Variants in RIMKLB observed in about 807,000 individuals in gnomAD.
RIMKLB encodes ribosomal modification protein rimK like family member B, also known as beta-citrylglutamate synthase B.
A neutral mutation model predicts 32.0 loss-of-function variants in RIMKLB; 7 were observed. The ratio of observed to expected loss-of-function variants is 0.22; its 90% CI spans 0.12 to 0.41. RIMKLB has a LOEUF of 0.41. Among genes scored for constraint, RIMKLB ranks in the 10% least tolerant of loss-of-function variants. The pLI, the probability that RIMKLB is intolerant of heterozygous loss-of-function variation, is 1.00. For missense variants in RIMKLB, 289 were observed against 498.7 expected, an observed-to-expected ratio of 0.58 and a Z score of 4.00; for synonymous variants, 172 against 185.1, an observed-to-expected ratio of 0.93 and a Z score of 0.57.
chr12:8,703,102 A>G (rs1174960718), intron 1 of RIMKLB, among the ~76,000 whole-genome samples: 1 of 152,156 alleles, frequency 6.6e-6, no homozygotes, highest in Non-Finnish European at 1.5e-5. Flanking sequence ...CCTGGCCAAC[A>G]TGGCGAAAAC....
intron 2 of RIMKLB, among the ~76,000 whole-genome samples, chr12:8,736,384 G>T (rs78090002): frequency 6.6e-6 from 1 of 151,956 alleles, no homozygotes; most frequent in Non-Finnish European, 1.5e-5. Flanking sequence ...CAAATAGCTC[G>T]TATATACTGT....
chr12:8,752,787 C>A (rs1455603354), intron 4 of RIMKLB, among the ~76,000 whole-genome samples: 1 of 151,468 alleles, frequency 6.6e-6, no homozygotes, highest in African/African-American at 2.4e-5. Flanking sequence ...GTTGCCCAGG[C>A]TGGAGTGCAG....
In RIMKLB at chr12:8,698,223, C is replaced by A. The variant is rs752087229; in HGVS notation, c.-131C>A. On this transcript the variant is annotated 5_prime_UTR_variant, in exon 1 of 6. Transcript: ENST00000535829. ...TCTCCTTCCCCCACTTCCAGCCGCC[C>A]GGCGGCCCGCGCTTCCTCGAAGGCC... 1.3e-5 allele frequency: 5 copies of A among 371,220 alleles called. No homozygotes were observed. Among genetic ancestry groups the A allele is most frequent in the South Asian group, 5.4e-5 (3 of 56,050 alleles). The allele number at this position is 371,220 out of a possible 1,614,324, so 23.0% of individuals were successfully genotyped here.
chr12:8,762,435 G>A lies in RIMKLB; in HGVS notation c.697+8342G>A, dbSNP rs143993850. Among the ~76,000 whole-genome samples the A allele has an allele frequency of 1.8e-3, 280 of 151,908 alleles. 3 individuals carry two copies. The East Asian group carries it at 0.026, about 14-fold the overall frequency. ...TTTCTAATGGAGGGTCCTGCCTTGC[G>A]GCTCTTTTGGCTTCAGTGTCGTCTT... On this transcript the variant is annotated intron_variant, in intron 5 of 5. Transcript: ENST00000535829.
the RIMKLB span, among the ~76,000 whole-genome samples, chr12:8,670,755 C>T: frequency 6.6e-6 from 1 of 152,240 alleles, no homozygotes; most frequent in Admixed American, 6.5e-5. Context: ...GGGCTCCAAC[C>T]ACACATTTCC....
At chr12:8,769,995 G>A (rs1950276627) in intron 5 of RIMKLB, among the ~76,000 whole-genome samples, 1 of 125,736 alleles carries the variant, frequency 8.0e-6, no homozygotes, top group Non-Finnish European at 1.7e-5. Flanking sequence ...TTGGGAGATG[G>A]AATTTTGCTC....
At chr12:8,694,376 C>T (rs762763749), upstream of RIMKLB, among the ~76,000 whole-genome samples, 1 of 148,320 alleles carries the variant, frequency 6.7e-6, no homozygotes, top group South Asian at 2.1e-4. Context: ...TCACACTCAA[C>T]ATCCTGTTGA....
upstream of RIMKLB, among the ~76,000 whole-genome samples, chr12:8,681,105 T>C (rs1464937364): frequency 6.6e-6 from 1 of 151,634 alleles, no homozygotes; most frequent in Non-Finnish European, 1.5e-5. Flanking sequence ...GGACTATAGG[T>C]CCATACCACC....
intron 2 of RIMKLB, among the ~76,000 whole-genome samples, chr12:8,743,388 C>G (rs1947764923): frequency 6.8e-6 from 1 of 148,052 alleles, no homozygotes. Context: ...TTCCGGAAGT[C>G]CTAAAAAATA....
chr12:8,708,146 G>A (rs994068015), intron 1 of RIMKLB, among the ~76,000 whole-genome samples: 2 of 152,078 alleles, frequency 1.3e-5, no homozygotes, highest in South Asian at 2.1e-4. Flanking sequence ...AGATTCTATT[G>A]TGTGTTAGAG....
Position 8,701,620 on chromosome 12 carries a change from T to TA in RIMKLB, c.-57+3324dup, listed in dbSNP as rs1565551152. Among the ~76,000 whole-genome samples, 3 of 151,946 alleles carry TA rather than the reference T, an allele frequency of 2.0e-5. No homozygotes were observed. The East Asian group carries it at 5.8e-4, about 29-fold the overall frequency. On this transcript the variant is annotated intron_variant, in intron 1 of 5. Transcript: ENST00000535829. ...ATTTCTGGATCAGTTATATGACCGT[T>TA]ATGGGAAGTAAGCACAGGCCTGATC...
At chr12:8,719,319 C>G (rs1278117607) in intron 2 of RIMKLB, among the ~76,000 whole-genome samples, 1 of 152,154 alleles carries the variant, frequency 6.6e-6, no homozygotes, top group Non-Finnish European at 1.5e-5. Flanking sequence ...AGACACCTTG[C>G]TTCTAATTCT....
chr12:8,751,526 TAA>T (rs1948620580), intron 3 of RIMKLB, among the ~76,000 whole-genome samples: 2 of 152,168 alleles, frequency 1.3e-5, no homozygotes, highest in African/African-American at 4.8e-5. Flanking sequence ...TTGTTGATAA[TAA>T]AAAGAGAATG....
At chr12:8,677,225 G>A (rs1267149093), upstream of RIMKLB, among the ~76,000 whole-genome samples, 1 of 152,128 alleles carries the variant, frequency 6.6e-6, no homozygotes, top group East Asian at 1.9e-4. Context: ...ACATGTCTGG[G>A]ACAGAATTGT....
chr12:8,724,195 C>G (rs866336468), intron 2 of RIMKLB, among the ~76,000 whole-genome samples: 2 of 152,006 alleles, frequency 1.3e-5, no homozygotes, highest in Admixed American at 6.6e-5. Flanking sequence ...TTTTCAAGTT[C>G]GCTCCCTAGG....
rs756632593 is a variant in RIMKLB, at chr12:8,747,759, A to ATTTTT, written c.176-2093_176-2089dup. ...GATACAGAAAGATGTCTCTGGTACA[A>ATTTTT]TTTTTTTTTTTTTTGAGACAGAGTC... On this transcript the variant is annotated intron_variant, in intron 2 of 5. Transcript: ENST00000535829. Among the ~76,000 whole-genome samples the ATTTTT allele has an allele frequency of 3.8e-3, 548 of 144,922 alleles. 6 individuals are homozygous for ATTTTT. Among genetic ancestry groups the ATTTTT allele is most frequent in the African/African-American group, 0.013 (514 of 39,990 alleles).
intron 5 of RIMKLB, among the ~76,000 whole-genome samples, chr12:8,758,509 T>C (rs764995325): frequency 4.6e-5 from 7 of 152,170 alleles, no homozygotes; most frequent in African/African-American, 7.2e-5. Flanking sequence ...TATTTCTTCT[T>C]CTTTTTTTTG....
At chr12:8,742,063 C>T (rs1367408864) in intron 2 of RIMKLB, among the ~76,000 whole-genome samples, 2 of 151,248 alleles carry the variant, frequency 1.3e-5, no homozygotes, top group Non-Finnish European at 2.9e-5. Context: ...ACCATGCCCA[C>T]CTAATTTTGT....
chr12:8,689,941 C>G (rs1942683884), intron 1 of RIMKLB, among the ~76,000 whole-genome samples: 1 of 152,152 alleles, frequency 6.6e-6, no homozygotes, highest in Non-Finnish European at 1.5e-5. Context: ...CCCCCATCCC[C>G]ATTTCTCTAG....
Sources: allele counts gnomAD v4.1 joint callset (sites outside exome capture counted in the v4.1 genomes callset), GRCh38; gene constraint gnomAD v4.1.1; transcripts MANE v1.5; gene names NCBI Gene and HGNC (gene_info 2026-07-23, HGNC 2026-07-21).